FMN1: variants seen among roughly 807,000 people sequenced by gnomAD.
The protein encoded by FMN1 is formin 1.
Under a neutral mutation model 132.4 loss-of-function variants are expected in FMN1, and 110 were observed. The ratio of observed to expected loss-of-function variants is 0.83; its 90% confidence interval spans 0.71 to 0.97. The LOEUF is 0.97. Ranked by LOEUF, FMN1 falls within the 50% of genes least tolerant of loss-of-function variation. The probability of loss-of-function intolerance (pLI) is 0.00; values close to 1 mark genes in which losing one functional copy is unlikely to be tolerated. For synonymous variants in FMN1, 722 were observed against 651.7 expected (o/e 1.11, Z -1.64); for missense variants, 1,792 against 1,705.3 (o/e 1.05, Z -0.90).
chr15:33,027,361 T>G (rs1335902443), intron 6 of FMN1, among the ~76,000 whole-genome samples: 1 of 152,226 alleles, frequency 6.6e-6, no homozygotes, highest in Non-Finnish European at 1.5e-5. Flanking sequence ...CCATTCAATA[T>G]TTGAAATATA....
At chr15:33,075,114 TTA>T (rs1051649006) in intron 5 of FMN1, among the ~76,000 whole-genome samples, 1 of 149,590 alleles carries the variant, frequency 6.7e-6, no homozygotes, top group African/African-American at 2.5e-5. Flanking sequence ...CTGGGGCAAG[TTA>T]TATATAAGCT....
intron 9 of FMN1, among the ~76,000 whole-genome samples, chr15:32,935,180 C>G (rs1302244686): frequency 6.6e-6 from 1 of 152,176 alleles, no homozygotes; most frequent in Non-Finnish European, 1.5e-5. Flanking sequence ...CTTACCCTTC[C>G]AAAGTGCTGG....
chr15:33,181,730 T>TG (rs1205432507), intron 2 of FMN1, among the ~76,000 whole-genome samples: 1 of 141,144 alleles, frequency 7.1e-6, no homozygotes, highest in African/African-American at 2.6e-5. Context: ...TTTTTTGAGA[T>TG]GGAGTTTCCC....
At chr15:33,052,151 T>G (rs1003522257) in intron 6 of FMN1, among the ~76,000 whole-genome samples, 4 of 152,128 alleles carry the variant, frequency 2.6e-5, no homozygotes, top group Non-Finnish European at 5.9e-5. Context: ...AACCTGATAT[T>G]CTCCAAGGTT....
At chr15:32,927,173 T>G (rs2060982657) in intron 9 of FMN1, among the ~76,000 whole-genome samples, 1 of 152,194 alleles carries the variant, frequency 6.6e-6, no homozygotes, top group African/African-American at 2.4e-5. Context: ...TATTTAAAGA[T>G]TTTCTGTTTC....
chr15:33,123,540 T>C (rs1962765784), intron 4 of FMN1, among the ~76,000 whole-genome samples: 6 of 152,212 alleles, frequency 3.9e-5, no homozygotes, highest in African/African-American at 1.2e-4. Context: ...GCCTAGAATC[T>C]ATTTCACCCT....
At chr15:33,016,257 G>A (rs1019830957) in intron 6 of FMN1, among the ~76,000 whole-genome samples, 1 of 152,186 alleles carries the variant, frequency 6.6e-6, no homozygotes, top group African/African-American at 2.4e-5. Context: ...ATCCGTGAGT[G>A]AATGCACAAA....
intron 6 of FMN1, among the ~76,000 whole-genome samples, chr15:33,044,878 A>G (rs1369504100): frequency 6.6e-6 from 1 of 152,220 alleles, no homozygotes; most frequent in Admixed American, 6.5e-5. Flanking sequence ...CCACTTGTCC[A>G]TATACCTCAT....
At chr15:33,065,127 T>A in intron 5 of FMN1, 53 bp from the exon 6 acceptor site, 1 of 1,234,448 alleles carries the variant, frequency 8.1e-7, no homozygotes, top group African/African-American at 1.5e-5. Context: ...GCCGATTAAT[T>A]CCTGAAAAAT....
Position 33,148,675 on chromosome 15 carries a change from C to T in FMN1, c.1867+4373G>A, listed in dbSNP as rs183511500. Among the ~76,000 whole-genome samples, 623 of 140,602 alleles carry T rather than the reference C, an allele frequency of 4.4e-3. 8 individuals carry two copies. The highest frequency in any genetic ancestry group is 0.02 in the African/African-American group (596 of 30,396). 92.2% of individuals were successfully genotyped at this position (140,602 alleles called of 152,430 possible). A position where few individuals can be genotyped will look rare whatever the true frequency, so the allele number is the denominator to read the frequency against. On this transcript the variant is annotated intron_variant, in intron 4 of 20. Coordinates refer to ENST00000616417, the MANE Select transcript of FMN1 (RefSeq NM_001277313.2). ...TCCCCTGTCTGGGCTCCAGTGACCA[C>T]GCACGCCTTCCCTTGCGCCTTCAGC... is the stretch of plus-strand genomic sequence containing the variant.
At chr15:32,939,473 C>A (rs1179577376) in intron 9 of FMN1, among the ~76,000 whole-genome samples, 3 of 151,810 alleles carry the variant, frequency 2.0e-5, no homozygotes. Context: ...TTGTTATCAA[C>A]CAATATTACT....
chr15:33,119,247 A>G (rs1241779906), intron 4 of FMN1, among the ~76,000 whole-genome samples: 1 of 152,088 alleles, frequency 6.6e-6, no homozygotes, highest in African/African-American at 2.4e-5. Flanking sequence ...TTTCAAGCTT[A>G]CCTTCCTCTG....
At chr15:33,134,818 A>G (rs779574762) in intron 4 of FMN1, among the ~76,000 whole-genome samples, 2 of 152,214 alleles carry the variant, frequency 1.3e-5, no homozygotes, top group Non-Finnish European at 2.9e-5. Flanking sequence ...CCTGGCGAAC[A>G]TGGCAAAACC....
chr15:32,969,879 A>T (rs991741768), intron 7 of FMN1, among the ~76,000 whole-genome samples: 2 of 152,216 alleles, frequency 1.3e-5, no homozygotes, highest in African/African-American at 2.4e-5. Flanking sequence ...AAAGAAAAAA[A>T]TAGGTTTAGA....
In FMN1 at chr15:32,771,180, G is replaced by C. The variant is rs538823855; in HGVS notation, c.*3130C>G. ...TGCAAGCTCCACCTCCTGGGTTCAC[G>C]CCATTCTCCTGCCTCAGCCTCCCGA... On this transcript the variant is annotated 3_prime_UTR_variant, in exon 21 of 21. Coordinates refer to ENST00000616417, the MANE Select transcript of FMN1 (RefSeq NM_001277313.2). The C allele has an allele frequency of 6.6e-6, 1 of 151,106 alleles. No homozygotes were observed. Among genetic ancestry groups the C allele is most frequent in the Non-Finnish European group, 1.5e-5 (1 of 67,896 alleles). 9.4% of individuals were successfully genotyped at this position (151,106 alleles called of 1,614,324 possible). A position where few individuals can be genotyped will look rare whatever the true frequency, so the allele number is the denominator to read the frequency against.
At chr15:32,888,129 G>A in intron 16 of FMN1, 43 bp downstream of exon 16, 1 of 1,527,370 alleles carries the variant, frequency 6.5e-7, no homozygotes. Flanking sequence ...TTTTTTAAAA[G>A]TAATCTTAGC....
intron 6 of FMN1, chr15:33,064,622 A>G (rs777470689): frequency 1.5e-4 from 28 of 190,748 alleles, no homozygotes; most frequent in Non-Finnish European, 2.7e-4. Flanking sequence ...TGCCTCTTCT[A>G]GCAACACTGC....
chr15:33,190,161 T>G (rs1441143964), intron 2 of FMN1, among the ~76,000 whole-genome samples: 2 of 152,212 alleles, frequency 1.3e-5, no homozygotes, highest in Non-Finnish European at 2.9e-5. Context: ...ACTTTCTCCA[T>G]TCTGGCTCAG....
At chr15:32,894,302 T>C (rs563193496) in intron 15 of FMN1, among the ~76,000 whole-genome samples, 2 of 152,060 alleles carry the variant, frequency 1.3e-5, no homozygotes, top group Non-Finnish European at 2.9e-5. Flanking sequence ...CTGGCCAACA[T>C]AGTGAAACCC....
Sources: allele counts gnomAD v4.1 joint callset (sites outside exome capture counted in the v4.1 genomes callset), GRCh38; gene constraint gnomAD v4.1.1; transcripts MANE v1.5; gene names NCBI Gene and HGNC (gene_info 2026-07-23, HGNC 2026-07-21).